The following PLEC variants were observed in gnomAD, a reference collection of about 807,000 sequenced individuals.
The protein encoded by PLEC is hemidesmosomal protein 1.
In PLEC, 216 loss-of-function variants were observed where a neutral mutation model predicts 392.8. That is an observed-to-expected ratio of 0.55 (90% CI 0.49 to 0.62). The LOEUF is 0.62. PLEC is among the 20% of genes least tolerant of loss of function. The pLI is 0.00. For missense variants in PLEC, 6,863 were observed against 6,563.4 expected (o/e 1.05, Z -1.58); for synonymous variants, 3,621 against 2,980.6 (o/e 1.21, Z -7.00).
chr8:143,956,058 C>A (rs1554739172), upstream of PLEC, among the ~76,000 whole-genome samples: 1 of 150,632 alleles, frequency 6.6e-6, no homozygotes, highest in Non-Finnish European at 1.5e-5. Flanking sequence ...TCAAGCAATT[C>A]TCCTATCTCA....
In PLEC at chr8:143,924,222, C is replaced by G; in HGVS notation, c.5707G>C (p.Asp1903His). The change falls in exon 31 of 32, where the codon GAC (aspartate) becomes CAC (histidine). Residue 1903 changes from aspartate (D) to histidine (H), a missense_variant. Asp to His is a moderately conservative substitution (Grantham distance 81). Transcript: ENST00000345136. ...ERLAQLRKAS[D>H]SELERQKGLV... ...CCCTTCTGCCGCTCCAGCTCGCTGTCCGATGCCTTGCGCAGCTGGGCCAGG... is the reference window on the plus strand; with the variant it reads ...CCCTTCTGCCGCTCCAGCTCGCTGTGCGATGCCTTGCGCAGCTGGGCCAGG... 6.3e-7 allele frequency: 1 copy of G among 1,598,882 alleles called. No individual in the cohort carries two copies. The highest frequency in any genetic ancestry group is 8.5e-7 in the Non-Finnish European group (1 of 1,179,520).
At position 143,964,110 on chromosome 8, in the gene PLEC, G is replaced by A. The variant is rs147019178; in HGVS notation, c.70+9293C>T. The stretch of plus-strand genomic sequence containing the variant: ...GTGAGCCACTGTGCCTGGCTAAGCG[G>A]ATGGAATTTTAGACTTAGAGCTGAT... On this transcript the variant is annotated intron_variant, in intron 1 of 31. Coordinates refer to the PLEC transcript ENST00000356346. 1.4e-4 allele frequency among the ~76,000 whole-genome samples: 22 copies of A among 152,234 alleles called. No homozygotes were observed. In the East Asian group the frequency reaches 3.9e-3, roughly 27 times the overall value.
Position 143,930,542 on chromosome 8 carries a change from G to A in PLEC, c.2305-6C>T, listed in dbSNP as rs1554714183. On this transcript the variant is annotated splice_region_variant and splice_polypyrimidine_tract_variant and intron_variant, in intron 19 of 31. Transcript: ENST00000345136. ...TTCAGCTGTTCCTTCTCGTCCTGTG[G>A]GGGAGGGGCAGCATCCAGACGAGGG... 6.3e-7 allele frequency: 1 copy of A among 1,583,610 alleles called. No homozygotes were observed. Among genetic ancestry groups the A allele is most frequent in the South Asian group, 1.1e-5 (1 of 87,392 alleles).
chr8:143,924,175 C>A lies in PLEC; in HGVS notation c.5754G>T (p.Arg1918Ser). The change falls in exon 31 of 32, where the codon AGG (arginine) becomes AGT (serine). Residue 1918 changes from arginine to serine, a missense_variant. Transcript: ENST00000345136. ...TCTCCTCCTCCACCTGCCGCCGCTG[C>A]CTCAGCGTGTCCTCCACCAGCCCCT... ...RQKGLVEDTL[R>S]QRRQVEEEIL... 6.3e-7 allele frequency: 1 copy of A among 1,598,984 alleles called. No individual in the cohort carries two copies. The highest frequency in any genetic ancestry group is 8.5e-7 in the Non-Finnish European group (1 of 1,179,522).
chr8:143,917,807 A>T lies in PLEC; in HGVS notation c.12014T>A (p.Leu4005Gln). 1 of 1,613,572 alleles carries T rather than the reference A, an allele frequency of 6.2e-7. No homozygotes were observed. Among genetic ancestry groups the T allele is most frequent in the Non-Finnish European group, 8.5e-7 (1 of 1,180,016 alleles). Residue 4005 changes from leucine to glutamine, a missense_variant, in exon 32 of 32, where the codon CTG becomes CAG. Coordinates refer to ENST00000345136, the MANE Select transcript of PLEC (RefSeq NM_201384.3). ...IVGPEFKDKL[L>Q]SAERAVTGYK... Reference sequence around the variant, plus strand: ...CCCAGTGACGGCGCGCTCGGCCGACAGCAGCTTGTCCTTGAACTCGGGGCC... The same window carrying T: ...CCCAGTGACGGCGCGCTCGGCCGACTGCAGCTTGTCCTTGAACTCGGGGCC...
At chr8:143,945,281 G>A (rs782103568) in intron 1 of PLEC, 5 of 466,352 alleles carry the variant, frequency 1.1e-5, no homozygotes, top group Non-Finnish European at 2.2e-5. Flanking sequence ...AGCCTCTCCT[G>A]GGGTCCCAGG....
chr8:143,961,089 T>G (rs1832851657), intron 1 of PLEC, among the ~76,000 whole-genome samples: 1 of 152,234 alleles, frequency 6.6e-6, no homozygotes, highest in Admixed American at 6.5e-5. Context: ...TGACAGACGC[T>G]TTCTCTGGCC....
chr8:143,926,291 G>A (rs1479202764), intron 30 of PLEC, among the ~76,000 whole-genome samples: 1 of 152,226 alleles, frequency 6.6e-6, no homozygotes, highest in East Asian at 1.9e-4. Context: ...GGGAAGCCTG[G>A]GTGGGGCGGG....
At chr8:143,968,529 CAAA>C (rs57468544) in intron 1 of PLEC, among the ~76,000 whole-genome samples, 5 of 63,706 alleles carry the variant, frequency 7.8e-5, no homozygotes, top group African/African-American at 1.4e-4. Flanking sequence ...AACTCCATCT[CAAA>C]AAAAAAAAAA....
rs532160148 is a variant in PLEC, at chr8:143,923,995, C to T, written c.5934G>A (p.Glu1978=). The T allele has an allele frequency of 1.9e-6, 3 of 1,586,012 alleles. No individual in the cohort carries two copies. The highest frequency in any genetic ancestry group is 2.6e-6 in the Non-Finnish European group (3 of 1,171,892). ...CAGCCTCACGGCGCCGCCGCTCCTC[C>T]TCCGCCGCCAGCTGCCGCTGCCTCG... is the stretch of plus-strand genomic sequence containing the variant. ...EAARQRQLAA[E]EERRRREAEE... Residue 1978 remains glutamate (E), a synonymous_variant, in exon 31 of 32, where the codon GAG becomes GAA. Transcript: ENST00000345136.
At chr8:143,957,917 C>G (rs1225725058), upstream of PLEC, among the ~76,000 whole-genome samples, 2 of 152,064 alleles carry the variant, frequency 1.3e-5, no homozygotes, top group Admixed American at 1.3e-4. Context: ...AGGCGACCTG[C>G]GACAGGCAGA....
rs782708582 is a variant in PLEC, at chr8:143,916,936, G to A, written c.12885C>T (p.Thr4295=). Residue 4295 remains threonine (T), a synonymous_variant, in exon 32 of 32, where the codon ACC becomes ACT. Coordinates refer to ENST00000345136, the MANE Select transcript of PLEC (RefSeq NM_201384.3). ...CCACCAGGTTCCGGTGCATGGCCTCGGTGATGGACACCTTCTCCAGCGTCT... is the reference window on the plus strand; with the variant it reads ...CCACCAGGTTCCGGTGCATGGCCTCAGTGATGGACACCTTCTCCAGCGTCT... The part of the protein sequence containing the change: ...DTETLEKVSI[T]EAMHRNLVDN... 95 of 1,612,786 alleles carry A rather than the reference G, an allele frequency of 5.9e-5. No individual in the cohort carries two copies. The highest frequency in any genetic ancestry group is 3.6e-4 in the South Asian group (33 of 91,088).
At chr8:143,952,224 A>G (rs868935811), upstream of PLEC, among the ~76,000 whole-genome samples, 15 of 123,478 alleles carry the variant, frequency 1.2e-4, no homozygotes, top group Admixed American at 2.4e-4. Context: ...GCACACACGC[A>G]CGCGCACGCG....
chr8:143,944,015 C>G (rs1831017945), upstream of PLEC: 2 of 1,434,528 alleles, frequency 1.4e-6, no homozygotes, highest in African/African-American at 2.8e-5. Flanking sequence ...GCCTGCCCTG[C>G]CCGCAGGACC....
chr8:143,936,043 T>TCAGCCACAGCC lies in PLEC; in HGVS notation c.436-40_436-30dup, dbSNP rs781835840. ...CTCACAGCAGAGAGGAGGCCACAGC[T>TCAGCCACAGCC]CAGCCACAGCCACCAGGCCTGCTCT... On this transcript the variant is annotated intron_variant, in intron 5 of 31. Coordinates refer to ENST00000345136, the MANE Select transcript of PLEC (RefSeq NM_201384.3). 3.1e-6 allele frequency: 5 copies of TCAGCCACAGCC among 1,608,090 alleles called. No individual in the cohort carries two copies. In the Admixed American group the frequency reaches 6.7e-5, roughly 21 times the overall value.
Position 143,920,665 on chromosome 8 carries a change from G to T in PLEC, c.9156C>A (p.Asp3052Glu). 1 of 1,603,864 alleles carries T rather than the reference G, an allele frequency of 6.2e-7. No individual in the cohort carries two copies. The highest frequency in any genetic ancestry group is 8.5e-7 in the Non-Finnish European group (1 of 1,179,892). The change falls in exon 32 of 32, where the codon GAC becomes GAA. Residue 3052 changes from aspartate to glutamate, a missense_variant. Coordinates refer to ENST00000345136, the MANE Select transcript of PLEC (RefSeq NM_201384.3). Reference protein sequence around the residue: ...NALKKDLLPSDMAVALLEAQA... With the variant: ...NALKKDLLPSEMAVALLEAQA... ...GGGCTTCCAACAGGGCCACGGCCAT[G>T]TCGGATGGCAGCAGGTCTTTCTTCA...
chr8:143,950,081 C>T (rs557323654), intron 1 of PLEC: 45 of 1,392,438 alleles, frequency 3.2e-5, no homozygotes, highest in South Asian at 2.3e-4. Context: ...CTCCGCAAGC[C>T]GGCTGACCAC....
chr8:143,932,037 G>A lies in PLEC; in HGVS notation c.2083-5C>T, dbSNP rs782280861. On this transcript the variant is annotated splice_polypyrimidine_tract_variant and splice_region_variant and intron_variant, in intron 17 of 31. Coordinates refer to ENST00000345136, the MANE Select transcript of PLEC (RefSeq NM_201384.3). ...CTGCAGGGCCGCCTGGAAGGACTGCGGGACAGCAGGTCCCGGTCAGGCCCC... is the reference window on the plus strand; with the variant it reads ...CTGCAGGGCCGCCTGGAAGGACTGCAGGACAGCAGGTCCCGGTCAGGCCCC... 2.0e-5 allele frequency: 32 copies of A among 1,590,818 alleles called. No homozygotes were observed. Among genetic ancestry groups the A allele is most frequent in the Middle Eastern group, 2.2e-4 (1 of 4,552 alleles).
chr8:143,961,895 A>T (rs1311324969), intron 1 of PLEC, among the ~76,000 whole-genome samples: 1 of 152,044 alleles, frequency 6.6e-6, no homozygotes, highest in Non-Finnish European at 1.5e-5. Context: ...CAGTGTTGAC[A>T]TTCTGGGCTC....
Sources: gnomAD v4.1 joint callset for allele counts (sites outside exome capture counted in the v4.1 genomes callset) on GRCh38, gnomAD v4.1.1 for gene constraint, MANE v1.5 for transcripts, NCBI Gene and HGNC (gene_info 2026-07-23, HGNC 2026-07-21) for gene names.